Variants in ANKS1A observed in about 807,000 individuals in gnomAD.
ANKS1A encodes ankyrin repeat and sterile alpha motif domain containing 1A, also known as ankyrin repeat and SAM domain-containing protein 1A.
A neutral mutation model predicts 120.3 loss-of-function variants in ANKS1A; 55 were observed. The observed-to-expected ratio is 0.46, with a 90% confidence interval of 0.37 to 0.57. ANKS1A has a LOEUF of 0.57. Ranked by LOEUF, ANKS1A falls within the 20% of genes least tolerant of loss-of-function variation. ANKS1A has a pLI of 0.00. For missense variants in ANKS1A, 1,123 were observed against 1,480.3 expected, an observed-to-expected ratio of 0.76 and a Z score of 3.96; for synonymous variants, 590 against 604.7, an observed-to-expected ratio of 0.98 and a Z score of 0.36.
Position 35,085,656 on chromosome 6 carries a change from C to A in ANKS1A, c.3133-110C>A. 2 of 1,116,338 alleles carry A rather than the reference C, an allele frequency of 1.8e-6. No homozygotes were observed. The highest frequency in any genetic ancestry group is 2.5e-6 in the Non-Finnish European group (2 of 808,116). 69.2% of individuals were successfully genotyped at this position (1,116,338 alleles called of 1,614,324 possible). ...AGGGAAGAGTGGAAGGAGGTAGGAG[C>A]GCTCCCGGGTAGACTTAGAGGGGGA... On this transcript the variant is annotated intron_variant, in intron 21 of 23. Coordinates refer to ENST00000360359, the MANE Select transcript of ANKS1A (RefSeq NM_015245.3). This position sits in a 1 kb window ranked among gnomAD's most constrained non-coding sequence, Gnocchi z 4.7.
rs1322704331 is a variant in ANKS1A, at chr6:35,060,194, G to A, written c.2125G>A (p.Gly709Arg). 6.2e-7 allele frequency: 1 copy of A among 1,612,492 alleles called. No homozygotes were observed. The highest frequency in any genetic ancestry group is 8.5e-7 in the Non-Finnish European group (1 of 1,179,556). ...QSVGEWLESI[G>R]LQQYESKLLL... ...TGTCGGGGAGTGGCTGGAGTCGATT[G>A]GGCTGCAGCAGTATGAGAGCAAGTT... Residue 709 changes from glycine to arginine, a missense_variant, in exon 13 of 24, where the codon GGG (glycine) becomes AGG (arginine). Gly to Arg is a moderately radical substitution (Grantham distance 125). Around this residue, in one of 3 missense-constraint regions of ANKS1A, gnomAD observed 904 missense variants for 1,130.4 expected, o/e 0.80. Transcript: ENST00000360359. The surrounding 1 kb of genome is among the most constrained non-coding windows in gnomAD (Gnocchi z 4.5).
rs1776452561 is a variant in ANKS1A at position 35,060,703 on chromosome 6, C to T, written c.2184+450C>T. 6.6e-6 allele frequency among the ~76,000 whole-genome samples: 1 copy of T among 152,180 alleles called. No homozygotes were observed. Among genetic ancestry groups the T allele is most frequent in the Non-Finnish European group, 1.5e-5 (1 of 68,034 alleles). ...GGGGTAGAGTCCAGAGTTACACAGC[C>T]TTATATACCCGTGGCCTCAGAGATG... is the stretch of plus-strand genomic sequence containing the variant. On this transcript the variant is annotated intron_variant, in intron 13 of 23. Transcript: ENST00000360359. The surrounding 1 kb of genome is among the most constrained non-coding windows in gnomAD (Gnocchi z 4.5).
intron 8 of ANKS1A, among the ~76,000 whole-genome samples, chr6:34,989,008 C>T (rs1242786638): frequency 1.3e-5 from 2 of 152,184 alleles, no homozygotes; most frequent in African/African-American, 4.8e-5. Context: ...TTTATGATCT[C>T]TGCTACAGAC....
intron 12 of ANKS1A, among the ~76,000 whole-genome samples, chr6:35,054,445 T>C (rs1776111089): frequency 2.0e-5 from 3 of 152,206 alleles, no homozygotes; most frequent in Non-Finnish European, 4.4e-5. Context: ...TCGTAACTTA[T>C]TCATTATTTT....
chr6:35,057,128 A>AC lies in ANKS1A; in HGVS notation c.2077+2969dup, dbSNP rs548807140. 5.3e-4 allele frequency among the ~76,000 whole-genome samples: 80 copies of AC among 151,612 alleles called. No individual in the cohort carries two copies. In the East Asian group the frequency reaches 0.015, roughly 28 times the overall value. On this transcript the variant is annotated intron_variant, in intron 12 of 23. Coordinates refer to ENST00000360359, the MANE Select transcript of ANKS1A (RefSeq NM_015245.3). The surrounding 1 kb of genome is among the most constrained non-coding windows in gnomAD (Gnocchi z 4.1). ...CCACTGGTTTTGCAGAGGCGCCCGC[A>AC]CCCCCCAGCCGAAGGGCACGACCAC...
intron 1 of ANKS1A, among the ~76,000 whole-genome samples, chr6:34,912,529 G>A (rs151064819): frequency 2.0e-5 from 3 of 152,304 alleles, no homozygotes; most frequent in Non-Finnish European, 4.4e-5. Context: ...ACACTGTTGG[G>A]ATGAGAGAGA....
chr6:34,948,702 C>T (rs529855857), intron 1 of ANKS1A, among the ~76,000 whole-genome samples: 62 of 152,174 alleles, frequency 4.1e-4, no homozygotes, highest in Non-Finnish European at 3.2e-4. Flanking sequence ...AACCATTCCT[C>T]ACACCCAGAT....
chr6:35,037,108 G>A (rs1429361140), intron 11 of ANKS1A, among the ~76,000 whole-genome samples: 2 of 152,222 alleles, frequency 1.3e-5, no homozygotes, highest in Non-Finnish European at 2.9e-5. Flanking sequence ...AGTTTTATCT[G>A]ACATATTTAA....
intron 3 of ANKS1A, among the ~76,000 whole-genome samples, chr6:34,970,689 T>C (rs889705077): frequency 3.3e-5 from 5 of 152,246 alleles, no homozygotes; most frequent in Middle Eastern, 3.4e-3. Flanking sequence ...TTCAAGCTAG[T>C]GAGCTTAATT....
intron 1 of ANKS1A, among the ~76,000 whole-genome samples, 159 bp from the exon 2 acceptor site, chr6:34,967,080 A>G (rs1413269997): frequency 2.0e-5 from 3 of 152,252 alleles, no homozygotes; most frequent in South Asian, 4.1e-4. Context: ...GCATCTCTGC[A>G]GTGTATAGCT....
At chr6:34,948,494 C>T (rs1022956069) in intron 1 of ANKS1A, among the ~76,000 whole-genome samples, 1 of 152,142 alleles carries the variant, frequency 6.6e-6, no homozygotes, top group Non-Finnish European at 1.5e-5. Flanking sequence ...TCCTGGCTCT[C>T]TTGATTCAAA....
chr6:34,935,771 T>C (rs989180927), intron 1 of ANKS1A, among the ~76,000 whole-genome samples: 1 of 152,100 alleles, frequency 6.6e-6, no homozygotes, highest in Non-Finnish European at 1.5e-5. Flanking sequence ...TAAAATACTT[T>C]CTCCTGGTGG....
chr6:34,987,022 A>G (rs554450488), intron 8 of ANKS1A, among the ~76,000 whole-genome samples: 2 of 152,356 alleles, frequency 1.3e-5, no homozygotes, highest in African/African-American at 2.4e-5. Context: ...TGATTTACAC[A>G]GGTCTCTTTG....
rs1023088808 is a variant in ANKS1A, at chr6:34,955,961, T to A, written c.198-11278T>A. On this transcript the variant is annotated intron_variant, in intron 1 of 23. Transcript: ENST00000360359. ...TTATTATAAAATTTCACAATGTGAC[T>A]TTTAAAAAATTCTTATTCATTATAC... 4.1e-4 allele frequency among the ~76,000 whole-genome samples: 62 copies of A among 152,104 alleles called. 1 individual carries two copies. Among genetic ancestry groups the A allele is most frequent in the African/African-American group, 1.5e-3 (62 of 41,442 alleles).
chr6:35,078,503 G>T, intron 13 of ANKS1A, 55 bp from the exon 14 acceptor site: 1 of 1,558,828 alleles, frequency 6.4e-7, no homozygotes. Context: ...GACCCCCTCA[G>T]GGCCACCAGC....
intron 1 of ANKS1A, among the ~76,000 whole-genome samples, chr6:34,925,410 G>A (rs1239312454): frequency 1.3e-5 from 2 of 152,194 alleles, no homozygotes; most frequent in Non-Finnish European, 2.9e-5. Flanking sequence ...AGCAGCAAAT[G>A]AGCATGTCAT....
intron 10 of ANKS1A, among the ~76,000 whole-genome samples, chr6:35,011,556 G>C (rs901132846): frequency 2.6e-5 from 4 of 152,082 alleles, no homozygotes; most frequent in Admixed American, 2.6e-4. Context: ...CCCAAAGCTG[G>C]GCTATACCTA....
chr6:34,960,925 G>A (rs777358005), intron 1 of ANKS1A, among the ~76,000 whole-genome samples: 9 of 152,210 alleles, frequency 5.9e-5, no homozygotes, highest in Non-Finnish European at 1.3e-4. Context: ...AAAATGACAA[G>A]TGGCGGAGGC....
intron 10 of ANKS1A, among the ~76,000 whole-genome samples, chr6:35,011,724 C>T (rs1773767166): frequency 6.6e-6 from 1 of 152,164 alleles, no homozygotes; most frequent in Non-Finnish European, 1.5e-5. Flanking sequence ...AATCAGTCTC[C>T]TTTGCAGAGT....
Sources: allele counts gnomAD v4.1 joint callset (sites outside exome capture counted in the v4.1 genomes callset), GRCh38; gene constraint gnomAD v4.1.1; regional missense constraint gnomAD v4.1.1; non-coding constraint Gnocchi (gnomAD v3.1); transcripts MANE v1.5; gene names NCBI Gene and HGNC (gene_info 2026-07-23, HGNC 2026-07-21).